Variants in TTLL5 observed in about 807,000 individuals in gnomAD.
The protein encoded by TTLL5 is tubulin tyrosine ligase like 5, also known as tubulin polyglutamylase TTLL5.
A neutral mutation model predicts 168.4 loss-of-function variants in TTLL5; 132 were observed. The ratio of observed to expected loss-of-function variants is 0.78; its 90% confidence interval spans 0.68 to 0.91. TTLL5 has a LOEUF of 0.91. TTLL5 is among the 40% of genes least tolerant of loss of function. TTLL5 has a pLI of 0.00. For synonymous variants in TTLL5, 546 were observed against 558.6 expected (o/e 0.98, Z 0.32); for missense variants, 1,545 against 1,581.5 (o/e 0.98, Z 0.39).
chr14:75,788,397 G>A (rs1327868230), intron 26 of TTLL5, among the ~76,000 whole-genome samples: 3 of 151,908 alleles, frequency 2.0e-5, no homozygotes, highest in South Asian at 2.1e-4. Flanking sequence ...AAAAAGAGAA[G>A]ACATGGATAA....
At position 75,752,803 on chromosome 14, in the gene TTLL5, G is replaced by T. The variant is rs1594972372; in HGVS notation, c.1488-90G>T. ...TTAAAAACAGTATATAAGTACCCCT[G>T]TTATTTCTGTGCTTGATTCATGGTT... is the stretch of plus-strand genomic sequence containing the variant. On this transcript the variant is annotated intron_variant, in intron 17 of 31. Coordinates refer to ENST00000298832, the MANE Select transcript of TTLL5 (RefSeq NM_015072.5). 4.8e-6 allele frequency: 6 copies of T among 1,247,500 alleles called. No individual in the cohort carries two copies. In the East Asian group the frequency reaches 1.2e-4, roughly 24 times the overall value. The allele number at this position is 1,247,500 out of a possible 1,614,324, so 77.3% of individuals were successfully genotyped here.
intron 12 of TTLL5, among the ~76,000 whole-genome samples, chr14:75,722,717 T>G (rs1025804843): frequency 1.3e-5 from 2 of 151,944 alleles, no homozygotes; most frequent in Non-Finnish European, 2.9e-5. Context: ...CGCAATCGTA[T>G]TTAGCTCACT....
intron 7 of TTLL5, among the ~76,000 whole-genome samples, chr14:75,700,520 G>T (rs1436267946): frequency 1.3e-5 from 2 of 152,116 alleles, no homozygotes; most frequent in Admixed American, 1.3e-4. Flanking sequence ...TCAAGTGCTG[G>T]CAGGCCACTG....
intron 31 of TTLL5, among the ~76,000 whole-genome samples, chr14:75,907,193 G>A (rs939026085): frequency 6.6e-6 from 1 of 152,050 alleles, no homozygotes; most frequent in Non-Finnish European, 1.5e-5. Context: ...TTTTTGCTGA[G>A]TTACTTAAAT....
At chr14:75,690,135 C>T (rs186372775) in intron 5 of TTLL5, 57 bp from the exon 6 acceptor site, 15 of 1,598,728 alleles carry the variant, frequency 9.4e-6, no homozygotes, top group South Asian at 4.4e-5. Context: ...AATGTGATAA[C>T]ACAGGAAAAT....
intron 30 of TTLL5, among the ~76,000 whole-genome samples, chr14:75,898,114 G>A (rs190683113): frequency 6.6e-6 from 1 of 152,130 alleles, no homozygotes; most frequent in Non-Finnish European, 1.5e-5. Context: ...ATATTCTGGT[G>A]TACTATGACC....
intron 28 of TTLL5, among the ~76,000 whole-genome samples, chr14:75,862,527 G>T (rs1393187339): frequency 1.3e-5 from 2 of 152,172 alleles, no homozygotes; most frequent in Non-Finnish European, 2.9e-5. Flanking sequence ...ATAGCCAAAT[G>T]GGAATGAAGT....
chr14:75,673,163 G>A (rs1030877219), intron 3 of TTLL5, among the ~76,000 whole-genome samples: 2 of 151,982 alleles, frequency 1.3e-5, no homozygotes, highest in African/African-American at 4.8e-5. Context: ...TTCCCAGGCT[G>A]GTCTTGAACT....
chr14:75,757,863 G>A (rs764027116), intron 18 of TTLL5: 2 of 1,591,120 alleles, frequency 1.3e-6, no homozygotes, highest in Admixed American at 1.7e-5. Flanking sequence ...TTGACAGGAA[G>A]AACACGGTAA....
intron 27 of TTLL5, among the ~76,000 whole-genome samples, chr14:75,807,456 A>G (rs1307109433): frequency 4.6e-5 from 7 of 152,226 alleles, no homozygotes; most frequent in African/African-American, 1.7e-4. Context: ...AAATTTTTTC[A>G]TTGATAACAC....
intron 27 of TTLL5, among the ~76,000 whole-genome samples, chr14:75,813,235 G>A (rs1351060755): frequency 7.4e-6 from 1 of 135,656 alleles, no homozygotes; most frequent in Non-Finnish European, 1.6e-5. Flanking sequence ...TTTCAGACAG[G>A]GTCTTGCTCT....
chr14:75,820,109 A>G lies in TTLL5; in HGVS notation c.3274A>G (p.Thr1092Ala), dbSNP rs986714206. ...IISPSGPTWS[T>A]QSDPQAPENH... ...CAGTCCTAGTGGCCCGACATGGTCTACACAGTCAGACCCCCAAGCTCCCGA... is the reference window on the plus strand; with the variant it reads ...CAGTCCTAGTGGCCCGACATGGTCTGCACAGTCAGACCCCCAAGCTCCCGA... The change falls in exon 28 of 32, where the codon ACA becomes GCA. Residue 1092 changes from threonine (T) to alanine (A), a missense_variant. Transcript: ENST00000298832. 3.7e-6 allele frequency: 6 copies of G among 1,604,740 alleles called. No individual in the cohort carries two copies. In the South Asian group the frequency reaches 6.7e-5, roughly 18 times the overall value.
chr14:75,748,637 A>G (rs185330143), intron 17 of TTLL5, among the ~76,000 whole-genome samples: 310 of 152,370 alleles, frequency 2.0e-3, no homozygotes, highest in African/African-American at 6.7e-3. Flanking sequence ...GCCTTAAGAC[A>G]TGTGAATGTT....
chr14:75,755,272 T>G, intron 18 of TTLL5, among the ~76,000 whole-genome samples: 1 of 8,822 alleles, frequency 1.1e-4, no homozygotes, highest in Admixed American at 2.3e-3. Flanking sequence ...TCTCCAAAAA[T>G]AATAATAATA....
intron 27 of TTLL5, among the ~76,000 whole-genome samples, chr14:75,810,923 G>A (rs1167057219): frequency 6.6e-6 from 1 of 151,844 alleles, no homozygotes; most frequent in African/African-American, 2.4e-5. Flanking sequence ...CACAGCAAGA[G>A]CAACACATCT....
chr14:75,941,955 G>A (rs550701898), intron 31 of TTLL5, among the ~76,000 whole-genome samples: 5 of 151,210 alleles, frequency 3.3e-5, no homozygotes, highest in Non-Finnish European at 4.4e-5. Context: ...GCCGAGGCAG[G>A]CGGATCACGA....
At chr14:75,758,079 C>T (rs2140284296) in intron 18 of TTLL5, among the ~76,000 whole-genome samples, 1 of 152,196 alleles carries the variant, frequency 6.6e-6, no homozygotes, top group East Asian at 1.9e-4. Context: ...GTATACTATT[C>T]TAACTGAAGA....
intron 30 of TTLL5, among the ~76,000 whole-genome samples, chr14:75,891,389 C>G (rs2032394338): frequency 6.6e-6 from 1 of 152,278 alleles, no homozygotes; most frequent in South Asian, 2.1e-4. Context: ...CTTTCTATAG[C>G]TCTCTCAAAG....
At chr14:75,916,734 G>T (rs768851746) in intron 31 of TTLL5, among the ~76,000 whole-genome samples, 1 of 152,202 alleles carries the variant, frequency 6.6e-6, no homozygotes, top group African/African-American at 2.4e-5. Flanking sequence ...ACAGATATTT[G>T]TATCCTCCTA....
Sources: allele counts gnomAD v4.1 joint callset (sites outside exome capture counted in the v4.1 genomes callset), GRCh38; gene constraint gnomAD v4.1.1; transcripts MANE v1.5; gene names NCBI Gene and HGNC (gene_info 2026-07-23, HGNC 2026-07-21).